Variants in SATL1 observed in about 807,000 individuals in gnomAD.
SATL1 encodes spermidine/spermine N(1)-acetyltransferase-like protein 1.
Under a neutral mutation model 51.8 loss-of-function variants are expected in SATL1, and 47 were observed. The observed-to-expected ratio is 0.91, with a 90% CI of 0.72 to 1.16. SATL1 has a LOEUF of 1.16. Ranked by LOEUF, SATL1 falls within the 50% of genes most tolerant of loss-of-function variation. The pLI is 0.00. For synonymous variants in SATL1, 176 were observed against 182.4 expected (o/e 0.97, Z 0.28); for missense variants, 520 against 526.4 (o/e 0.99, Z 0.12).
chrX:85,156,162 T>TA (rs1236851624), intron 2 of SATL1, among the ~76,000 whole-genome samples: 1 of 111,540 alleles, frequency 9.0e-6, no homozygotes, highest in African/African-American at 3.3e-5. Flanking sequence ...TGGAAAACGT[T>TA]AAAAAAGGTC....
chrX:85,103,501 T>C (rs939261690), intron 4 of SATL1, among the ~76,000 whole-genome samples: 10 of 112,084 alleles, frequency 8.9e-5, no homozygotes, highest in African/African-American at 2.6e-4. Context: ...ACTATCAAAA[T>C]GTAGTAAATA....
intron 2 of SATL1, among the ~76,000 whole-genome samples, chrX:85,140,366 G>C (rs191402272): frequency 2.7e-5 from 3 of 111,886 alleles, no homozygotes; most frequent in Non-Finnish European, 5.6e-5. Flanking sequence ...ACAACCCTAA[G>C]AGGGTGGTAT....
intron 2 of SATL1, among the ~76,000 whole-genome samples, chrX:85,123,818 A>T (rs985296390): frequency 9.0e-6 from 1 of 111,561 alleles, no homozygotes; most frequent in Non-Finnish European, 1.9e-5. Context: ...GTAATTGCCA[A>T]CTATGATTTC....
intron 1 of SATL1, among the ~76,000 whole-genome samples, chrX:85,233,993 A>G (rs1416607021): frequency 9.0e-6 from 1 of 111,333 alleles, no homozygotes; most frequent in Non-Finnish European, 1.9e-5. Context: ...ACCTTAAGAT[A>G]TCTAATAATC....
intron 4 of SATL1, among the ~76,000 whole-genome samples, chrX:85,095,600 G>C (rs866568683): frequency 9.4e-6 from 1 of 106,909 alleles, no homozygotes; most frequent in East Asian, 3.0e-4. Context: ...GCCGAGGCGG[G>C]CGGATCACGA....
intron 2 of SATL1, chrX:85,207,122 A>G (rs961437946): frequency 1.8e-5 from 2 of 111,677 alleles, no homozygotes; most frequent in Non-Finnish European, 3.8e-5. Flanking sequence ...ATAATTAATT[A>G]GGGAATTGTA....
intron 2 of SATL1, chrX:85,212,861 G>A (rs951054282): frequency 9.0e-6 from 1 of 110,570 alleles, no homozygotes; most frequent in East Asian, 2.8e-4. Flanking sequence ...GGTTATCAAC[G>A]TAATAATTCA....
At chrX:85,201,863 A>G (rs950269766) in intron 2 of SATL1, among the ~76,000 whole-genome samples, 5 of 112,234 alleles carry the variant, frequency 4.5e-5, no homozygotes, top group Non-Finnish European at 9.4e-5. Flanking sequence ...CCAGTCTGTC[A>G]TTGATGGGCA....
intron 7 of SATL1, chrX:85,092,815 A>C (rs1924567436): frequency 5.9e-6 from 2 of 341,111 alleles, no homozygotes; most frequent in African/African-American, 5.1e-5. Flanking sequence ...TGTACCTAAA[A>C]GAACACATGT....
At chrX:85,151,377 A>T (rs779108502) in intron 2 of SATL1, among the ~76,000 whole-genome samples, 1 of 111,561 alleles carries the variant, frequency 9.0e-6, no homozygotes, top group East Asian at 2.8e-4. Context: ...ATATCATGAA[A>T]ATGGCCATAC....
At chrX:85,204,740 T>A (rs1177275792) in intron 2 of SATL1, among the ~76,000 whole-genome samples, 1 of 112,132 alleles carries the variant, frequency 8.9e-6, no homozygotes, top group Non-Finnish European at 1.9e-5. Context: ...ACAGGGGTTA[T>A]GTGACCACTA....
At chrX:85,166,935 ATG>A (rs753194262) in intron 2 of SATL1, among the ~76,000 whole-genome samples, 3,771 of 84,597 alleles carry the variant, frequency 0.045, 120 homozygotes, top group African/African-American at 0.11. Flanking sequence ...ATATATATAT[ATG>A]TGTATGTGTG....
chrX:85,183,452 T>C (rs1030838947), intron 2 of SATL1, among the ~76,000 whole-genome samples: 1 of 111,281 alleles, frequency 9.0e-6, no homozygotes, highest in African/African-American at 3.3e-5. Context: ...ATACTTGTAC[T>C]ATGCTCTTCT....
At chrX:85,156,793 G>T in intron 2 of SATL1, among the ~76,000 whole-genome samples, 1 of 84,991 alleles carries the variant, frequency 1.2e-5, no homozygotes. Flanking sequence ...AACAGTACAA[G>T]GATTTGAACC....
intron 2 of SATL1, among the ~76,000 whole-genome samples, chrX:85,156,844 TATATATATATATATATATATATATAA>T (rs1569238867): frequency 2.3e-4 from 5 of 21,426 alleles, no homozygotes; most frequent in Admixed American, 1.5e-3. Context: ...TATATATATA[TATATATATATATATATATATATATAA>T]AATATGTAAA....
At chrX:85,177,829 A>G (rs752787268) in intron 2 of SATL1, among the ~76,000 whole-genome samples, 12 of 111,514 alleles carry the variant, frequency 1.1e-4, no homozygotes, top group South Asian at 7.5e-4. Flanking sequence ...TTTCAGCTCA[A>G]TGTAATGCAT....
At chrX:85,100,731 G>A (rs1924870787) in intron 4 of SATL1, among the ~76,000 whole-genome samples, 1 of 111,470 alleles carries the variant, frequency 9.0e-6, no homozygotes, top group South Asian at 3.8e-4. Context: ...AATTCCAAGG[G>A]GCCCCAAATA....
intron 1 of SATL1, among the ~76,000 whole-genome samples, chrX:85,226,804 TA>T (rs1459433543): frequency 1.8e-5 from 2 of 111,129 alleles, no homozygotes; most frequent in Non-Finnish European, 3.8e-5. Context: ...TTCCACTATC[TA>T]ATCAGCACCT....
At position 85,173,098 on chromosome X, in the gene SATL1, A is replaced by G. The variant is rs1364803128; in HGVS notation, c.-313+51107T>C. The stretch of plus-strand genomic sequence containing the variant: ...CTAGATGAAATTCTCCATTTTTAAA[A>G]GTAGATGGTGATGGCAGTGATTAAC... On this transcript the variant is annotated intron_variant, in intron 2 of 7. Transcript: ENST00000644105. Among the ~76,000 whole-genome samples the G allele has an allele frequency of 3.6e-5, 4 of 111,487 alleles. No homozygotes were observed. In the East Asian group the frequency reaches 1.1e-3, roughly 31 times the overall value.
Sources: allele counts gnomAD v4.1 joint callset (sites outside exome capture counted in the v4.1 genomes callset), GRCh38; gene constraint gnomAD v4.1.1; transcripts MANE v1.5; gene names NCBI Gene and HGNC (gene_info 2026-07-23, HGNC 2026-07-21).